Variants in MGST1 observed in about 807,000 individuals in gnomAD.
MGST1 encodes microsomal glutathione S-transferase 1.
In MGST1, 5 loss-of-function variants were observed where a neutral mutation model predicts 8.9. The ratio of observed to expected loss-of-function variants is 0.56; its 90% CI spans 0.29 to 1.19. MGST1 has a LOEUF of 1.19. Among genes scored for constraint, MGST1 ranks in the 50% most tolerant of loss-of-function variants. MGST1 has a pLI of 0.08. For missense variants in MGST1, 182 were observed against 187.4 expected, an observed-to-expected ratio of 0.97 and a Z score of 0.17; for synonymous variants, 54 against 67.8, an observed-to-expected ratio of 0.80 and a Z score of 1.00.
downstream of MGST1, among the ~76,000 whole-genome samples, chr12:16,378,861 A>T (rs1363848003): frequency 6.6e-6 from 1 of 151,956 alleles, no homozygotes; most frequent in Non-Finnish European, 1.5e-5. Context: ...GAGGTCCTTC[A>T]CATCCCTTGT....
chr12:16,491,370 A>G (rs1941436763), intron 4 of MGST1, among the ~76,000 whole-genome samples: 1 of 152,196 alleles, frequency 6.6e-6, no homozygotes, highest in African/African-American at 2.4e-5. Context: ...ATGTTAGGCC[A>G]CAGCCTAATG....
chr12:16,530,946 G>T (rs2137200140), intron 4 of MGST1, among the ~76,000 whole-genome samples: 1 of 152,094 alleles, frequency 6.6e-6, no homozygotes, highest in Non-Finnish European at 1.5e-5. Flanking sequence ...GACTTGGGAA[G>T]TGAATAAAGA....
downstream of MGST1, among the ~76,000 whole-genome samples, chr12:16,368,051 G>T (rs539764640): frequency 6.6e-6 from 1 of 152,230 alleles, no homozygotes; most frequent in East Asian, 1.9e-4. Flanking sequence ...TAGCTAGGAG[G>T]TTAACGATCA....
Position 16,584,978 on chromosome 12 carries a change from T to A in MGST1, n.483-4550T>A, listed in dbSNP as rs535153601. Among the ~76,000 whole-genome samples, 137 of 152,228 alleles carry A rather than the reference T, an allele frequency of 9.0e-4. No individual in the cohort carries two copies. The highest frequency in any genetic ancestry group is 1.2e-3 in the Non-Finnish European group (85 of 68,032). ...TGATTCTGACCAAAAAGTTACATAC[T>A]AGTAGCTGTGTGCCACATTAGAGTT... On this transcript the variant is annotated intron_variant and non_coding_transcript_variant, in intron 4 of 4. Coordinates refer to the MGST1 transcript ENST00000538857. This position sits in a 1 kb window ranked among gnomAD's most constrained non-coding sequence, Gnocchi z 5.2.
intron 4 of MGST1, among the ~76,000 whole-genome samples, chr12:16,491,640 A>C (rs764860660): frequency 5.3e-5 from 8 of 152,180 alleles, no homozygotes; most frequent in African/African-American, 1.2e-4. Flanking sequence ...CTTTACATTT[A>C]GTGTTTCAAA....
rs1939977669 is a variant in MGST1, at chr12:16,361,139, G to A, written c.222-2656G>A. Among the ~76,000 whole-genome samples the A allele has an allele frequency of 6.6e-6, 1 of 152,172 alleles. No homozygotes were observed. The highest frequency in any genetic ancestry group is 2.4e-5 in the African/African-American group (1 of 41,432). On this transcript the variant is annotated intron_variant, in intron 3 of 3. Coordinates refer to ENST00000396210, the MANE Select transcript of MGST1 (RefSeq NM_020300.5). The surrounding 1 kb of genome is among the most constrained non-coding windows in gnomAD (Gnocchi z 4.2). ...GAGGAGAGAAGTCTCATCAATTTGG[G>A]AAAATTCCTTTGTGAGAATGTGAAC...
At position 16,386,672 on chromosome 12, in the gene MGST1, C is replaced by T. The variant is rs181284343; in HGVS notation, n.778+3068C>T. Among the ~76,000 whole-genome samples the T allele has an allele frequency of 5.0e-3, 765 of 152,262 alleles. 4 individuals carry two copies. Among genetic ancestry groups the T allele is most frequent in the Middle Eastern group, 0.01 (3 of 294 alleles). On this transcript the variant is annotated intron_variant and non_coding_transcript_variant, in intron 1 of 1. Coordinates refer to the MGST1 transcript ENST00000359720. Reference sequence around the variant, plus strand: ...GTATGCCGCTCACTGTGTGAGTTTGCGAACACCCAAACTGTGTACAGTAGG... The same window carrying T: ...GTATGCCGCTCACTGTGTGAGTTTGTGAACACCCAAACTGTGTACAGTAGG...
intron 4 of MGST1, among the ~76,000 whole-genome samples, chr12:16,531,614 C>T (rs1018780478): frequency 1.3e-5 from 2 of 152,046 alleles, no homozygotes; most frequent in Non-Finnish European, 2.9e-5. Context: ...TGAGACCCAT[C>T]TCTGAAAAAG....
At chr12:16,480,287 C>T (rs1157355043) in intron 4 of MGST1, among the ~76,000 whole-genome samples, 1 of 151,894 alleles carries the variant, frequency 6.6e-6, no homozygotes, top group Non-Finnish European at 1.5e-5. Flanking sequence ...GGACTACAGG[C>T]ATCCACCACC....
At chr12:16,388,824 A>G (rs1314907079) in intron 1 of MGST1, among the ~76,000 whole-genome samples, 1 of 152,182 alleles carries the variant, frequency 6.6e-6, no homozygotes, top group Non-Finnish European at 1.5e-5. Flanking sequence ...CAGCTTTAGG[A>G]GACTTGAGTG....
At chr12:16,406,996 A>G (rs958235283) in intron 1 of MGST1, among the ~76,000 whole-genome samples, 1 of 152,234 alleles carries the variant, frequency 6.6e-6, no homozygotes, top group Admixed American at 6.5e-5. Flanking sequence ...GGACATGGGA[A>G]CTGGCAAAGA....
At chr12:16,491,484 C>T (rs1048116176) in intron 4 of MGST1, among the ~76,000 whole-genome samples, 12 of 152,166 alleles carry the variant, frequency 7.9e-5, no homozygotes, top group Non-Finnish European at 1.0e-4. Flanking sequence ...TTATGATTCT[C>T]AGCAAATCAT....
In MGST1 at chr12:16,480,658, G is replaced by C. The variant is rs141342009; in HGVS notation, n.482+97054G>C. 3.7e-3 allele frequency among the ~76,000 whole-genome samples: 564 copies of C among 152,318 alleles called. 1 individual carries two copies. The highest frequency in any genetic ancestry group is 5.8e-3 in the Non-Finnish European group (393 of 68,016). On this transcript the variant is annotated intron_variant and non_coding_transcript_variant, in intron 4 of 4. Coordinates refer to the MGST1 transcript ENST00000538857. ...TGAAATGTCCCTGACCTATCTGCTAGCTAAGAAACAAAAGCCAGGGATTGG... is the reference window on the plus strand; with the variant it reads ...TGAAATGTCCCTGACCTATCTGCTACCTAAGAAACAAAAGCCAGGGATTGG...
chr12:16,481,513 T>A (rs1941364284), intron 4 of MGST1, among the ~76,000 whole-genome samples: 1 of 152,164 alleles, frequency 6.6e-6, no homozygotes, highest in Admixed American at 6.5e-5. Flanking sequence ...AAGAAAAAGA[T>A]GTGTAAGAAA....
intron 4 of MGST1, among the ~76,000 whole-genome samples, chr12:16,531,107 G>A (rs986400107): frequency 1.5e-4 from 19 of 129,954 alleles, no homozygotes; most frequent in African/African-American, 5.4e-4. Context: ...CAGCACATGT[G>A]TTCATCACTG....
At chr12:16,562,016 A>G (rs1942425531) in intron 4 of MGST1, among the ~76,000 whole-genome samples, 1 of 152,216 alleles carries the variant, frequency 6.6e-6, no homozygotes. Context: ...TTTAAGGACT[A>G]TAACCCAAGT....
In MGST1 at chr12:16,364,273, T is replaced by A. The variant is rs1178277095; in HGVS notation, c.*232T>A. The A allele has an allele frequency of 8.3e-7, 1 of 1,199,622 alleles. No individual in the cohort carries two copies. The highest frequency in any genetic ancestry group is 1.5e-5 in the African/African-American group (1 of 65,166). The allele number at this position is 1,199,622 out of a possible 1,614,324, so 74.3% of individuals were successfully genotyped here. A position where few individuals can be genotyped will look rare whatever the true frequency, so the allele number is the denominator to read the frequency against. The stretch of plus-strand genomic sequence containing the variant: ...TTTGTCTGATTTTTAAAGTACTTTC[T>A]TATAAATTTGGATCATGTTATGATT... On this transcript the variant is annotated 3_prime_UTR_variant, in exon 4 of 4. Transcript: ENST00000396210. The surrounding 1 kb of genome is among the most constrained non-coding windows in gnomAD (Gnocchi z 5.7).
intron 1 of MGST1, chr12:16,399,544 C>G: frequency 6.4e-7 from 1 of 1,566,872 alleles, no homozygotes; most frequent in Non-Finnish European, 8.8e-7. Flanking sequence ...TAATCTTCAT[C>G]ACTGTCCTCC....
At chr12:16,354,200 C>A in intron 1 of MGST1, 31 bp from the exon 2 acceptor site, 3 of 1,508,050 alleles carry the variant, frequency 2.0e-6, no homozygotes, top group East Asian at 2.4e-5. Context: ...TTTATGTCTG[C>A]TTTTTCCCAT....
Sources: gnomAD v4.1 joint callset for allele counts (sites outside exome capture counted in the v4.1 genomes callset) on GRCh38, gnomAD v4.1.1 for gene constraint, Gnocchi (gnomAD v3.1) non-coding constraint, MANE v1.5 for transcripts, NCBI Gene and HGNC (gene_info 2026-07-23, HGNC 2026-07-21) for gene names.